The following TLN2 variants were observed in gnomAD, a reference collection of about 807,000 sequenced individuals.
TLN2 encodes the protein talin-2.
In TLN2, 118 loss-of-function variants were observed where a neutral mutation model predicts 294.7. That is an observed-to-expected ratio of 0.40 (90% confidence interval 0.34 to 0.47). The LOEUF is 0.47. TLN2 is among the 20% of genes least tolerant of loss of function. The probability of loss-of-function intolerance (pLI) is 0.84; values close to 1 mark genes in which losing one functional copy is unlikely to be tolerated. For missense variants in TLN2, 3,083 were observed against 3,282.2 expected (o/e 0.94, Z 1.48); for synonymous variants, 1,431 against 1,304.5 (o/e 1.10, Z -2.09).
intron 9 of TLN2, among the ~76,000 whole-genome samples, chr15:62,664,188 A>C (rs964712493): frequency 6.6e-6 from 1 of 151,072 alleles, no homozygotes; most frequent in Non-Finnish European, 1.5e-5. Flanking sequence ...TTTGCAATGC[A>C]TACTCCAAGA....
chr15:62,529,481 C>T (rs892088492), intron 1 of TLN2, among the ~76,000 whole-genome samples: 6 of 151,384 alleles, frequency 4.0e-5, no homozygotes, highest in Non-Finnish European at 7.4e-5. Context: ...GGTGGTCTCT[C>T]GTGCCCCATC....
In TLN2 at chr15:62,771,033, G is replaced by T. The variant is rs1456646331; in HGVS notation, c.5266G>T (p.Asp1756Tyr). 2 of 1,609,376 alleles carry T rather than the reference G, an allele frequency of 1.2e-6. No homozygotes were observed. The highest frequency in any genetic ancestry group is 2.7e-5 in the African/African-American group (2 of 73,584). ...AAVGVASKILDHQQQMTVLDQ... is the reference protein window; with the variant it reads ...AAVGVASKILYHQQQMTVLDQ... ...AGTTGGTGTGGCCTCCAAGATTCTT[G>T]ATCATCAGCAGCAGATGACGGTGCT... Residue 1756 changes from aspartate to tyrosine, a missense_variant, in exon 42 of 59, where the codon GAT (aspartate) becomes TAT (tyrosine). Physicochemically the swap from Asp to Tyr is radical, Grantham distance 160. Transcript: ENST00000636159.
intron 36 of TLN2, 138 bp from the exon 37 acceptor site, chr15:62,755,394 G>A (rs1489714739): frequency 2.9e-6 from 3 of 1,048,308 alleles, no homozygotes; most frequent in East Asian, 2.8e-5. Context: ...GTGACTTTGA[G>A]GGTCGCAGAA....
At chr15:62,779,918 A>T (rs1050203722) in intron 43 of TLN2, among the ~76,000 whole-genome samples, 1 of 152,204 alleles carries the variant, frequency 6.6e-6, no homozygotes, top group Non-Finnish European at 1.5e-5. Flanking sequence ...AGTGCAGTAC[A>T]TGCCTGCTCA....
At chr15:62,726,948 C>A (rs911107122) in intron 27 of TLN2, 139 bp from the exon 28 acceptor site, 1 of 843,364 alleles carries the variant, frequency 1.2e-6, no homozygotes, top group East Asian at 2.7e-5. Flanking sequence ...TCCTGTACCA[C>A]CCTGCTGCGG....
At chr15:62,669,803 C>G (rs1214537946) in intron 9 of TLN2, among the ~76,000 whole-genome samples, 11 of 152,194 alleles carry the variant, frequency 7.2e-5, no homozygotes, top group African/African-American at 2.4e-4. Context: ...CTGCCTGCTC[C>G]GTGCTGACAT....
intron 5 of TLN2, among the ~76,000 whole-genome samples, chr15:62,650,954 A>G (rs1357411181): frequency 6.6e-6 from 1 of 152,218 alleles, no homozygotes; most frequent in African/African-American, 2.4e-5. Context: ...CACTCTTTTG[A>G]AAATCACGAC....
chr15:62,594,400 G>A (rs569886062), intron 2 of TLN2, among the ~76,000 whole-genome samples: 2 of 152,186 alleles, frequency 1.3e-5, no homozygotes, highest in Admixed American at 6.5e-5. Flanking sequence ...GAGAGAGAGG[G>A]TCTCCCTATG....
chr15:62,651,326 A>G (rs1027283048), intron 5 of TLN2, among the ~76,000 whole-genome samples: 1 of 152,176 alleles, frequency 6.6e-6, no homozygotes, highest in African/African-American at 2.4e-5. Context: ...ATTTTTAAGA[A>G]ATCTTTATGA....
At chr15:62,468,618 G>A (rs1368510383) in intron 1 of TLN2, among the ~76,000 whole-genome samples, 2 of 151,952 alleles carry the variant, frequency 1.3e-5, no homozygotes, top group Non-Finnish European at 2.9e-5. Flanking sequence ...GGTGGCGGGC[G>A]CCTGTAGTCC....
intron 1 of TLN2, among the ~76,000 whole-genome samples, chr15:62,543,713 C>G (rs2041832132): frequency 6.7e-6 from 1 of 150,002 alleles, no homozygotes; most frequent in South Asian, 2.1e-4. Context: ...CAAGATCGTG[C>G]CACTGCACTC....
chr15:62,491,861 G>A (rs568729023), intron 1 of TLN2, among the ~76,000 whole-genome samples: 1 of 152,254 alleles, frequency 6.6e-6, no homozygotes, highest in South Asian at 2.1e-4. Flanking sequence ...TTCAGTGGAT[G>A]ATGTTTTCTG....
Position 62,783,854 on chromosome 15 carries a change from G to C in TLN2, c.5700G>C (p.Gln1900His). The change falls in exon 45 of 59, where the codon CAG becomes CAC. Residue 1900 changes from glutamine to histidine, a missense_variant. Transcript: ENST00000636159. ...GTGACTATGGGCACCTGGCTTTCCA[G>C]GGCCAGATGGCAGCAGCCACGGCGG... is the stretch of plus-strand genomic sequence containing the variant. ...MTSDYGHLAFQGQMAAATAEP... is the reference protein window; with the variant it reads ...MTSDYGHLAFHGQMAAATAEP... 1 of 1,614,052 alleles carries C rather than the reference G, an allele frequency of 6.2e-7. No homozygotes were observed. The highest frequency in any genetic ancestry group is 8.5e-7 in the Non-Finnish European group (1 of 1,179,954).
rs150587903 is a variant in TLN2 at position 62,513,952 on chromosome 15, C to G, written c.-237-75735C>G. ...GTCTAGGGCGGAGAATATTCCAGAT[C>G]TCTTACAAGTTAACCCCTCCGCCCT... On this transcript the variant is annotated intron_variant, in intron 1 of 58. Transcript: ENST00000636159. Among the ~76,000 whole-genome samples the G allele has an allele frequency of 4.8e-3, 730 of 152,340 alleles. 7 individuals carry two copies. The highest frequency in any genetic ancestry group is 0.016 in the African/African-American group (658 of 41,574).
At chr15:62,587,357 G>T (rs1174137912) in intron 1 of TLN2, among the ~76,000 whole-genome samples, 1 of 152,132 alleles carries the variant, frequency 6.6e-6, no homozygotes, top group Non-Finnish European at 1.5e-5. Context: ...AGTATAAGAA[G>T]TAAAAATCAT....
intron 1 of TLN2, among the ~76,000 whole-genome samples, chr15:62,437,691 T>C (rs922374491): frequency 7.2e-5 from 11 of 152,154 alleles, no homozygotes; most frequent in Non-Finnish European, 1.6e-4. Flanking sequence ...CTGATGCCTC[T>C]GTTTTAGGTC....
chr15:62,740,574 G>T, intron 31 of TLN2, 56 bp from the exon 32 acceptor site: 1 of 1,606,726 alleles, frequency 6.2e-7, no homozygotes, highest in Non-Finnish European at 8.5e-7. Context: ...CTCTCTGAAT[G>T]CCTCCTTCAA....
At chr15:62,569,208 C>G (rs181087992) in intron 1 of TLN2, among the ~76,000 whole-genome samples, 6 of 152,322 alleles carry the variant, frequency 3.9e-5, no homozygotes, top group Admixed American at 3.9e-4. Flanking sequence ...ATGCTCTTCT[C>G]TCGATATCCC....
At chr15:62,630,894 G>A (rs188529095) in intron 3 of TLN2, among the ~76,000 whole-genome samples, 338 of 152,232 alleles carry the variant, frequency 2.2e-3, no homozygotes, top group African/African-American at 7.8e-3. Flanking sequence ...ACTAAAGAGA[G>A]GGGGAGGAGT....
Sources: allele counts gnomAD v4.1 joint callset (sites outside exome capture counted in the v4.1 genomes callset), GRCh38; gene constraint gnomAD v4.1.1; transcripts MANE v1.5; gene names NCBI Gene and HGNC (gene_info 2026-07-23, HGNC 2026-07-21).